CELF2: variants seen among roughly 807,000 people sequenced by gnomAD.
CELF2 encodes the protein CUG triplet repeat RNA-binding protein 2.
CELF2 carries 8 observed loss-of-function variants against 62.6 expected under a neutral mutation model. The ratio of observed to expected loss-of-function variants is 0.13; its 90% CI spans 0.07 to 0.23. The LOEUF is 0.23. Among genes scored for constraint, CELF2 ranks in the 10% least tolerant of loss-of-function variants. The pLI is 1.00. For synonymous variants in CELF2, 258 were observed against 250.0 expected (o/e 1.03, Z -0.30); for missense variants, 333 against 671.0 (o/e 0.50, Z 5.56).
chr10:10,719,553 A>T, the CELF2 span, among the ~76,000 whole-genome samples: 1 of 152,070 alleles, frequency 6.6e-6, no homozygotes, highest in Non-Finnish European at 1.5e-5. Flanking sequence ...AGAGTCAGCC[A>T]CTGTGTACCC....
chr10:11,205,293 C>G (rs1449388028), intron 2 of CELF2, among the ~76,000 whole-genome samples: 1 of 152,176 alleles, frequency 6.6e-6, no homozygotes, highest in East Asian at 1.9e-4. Flanking sequence ...CCTGTCGCGG[C>G]TGCATTTCCG....
chr10:10,958,463 T>C (rs1237402297), intron 2 of CELF2, among the ~76,000 whole-genome samples: 1 of 152,160 alleles, frequency 6.6e-6, no homozygotes, highest in East Asian at 1.9e-4. Context: ...TGTGGAGCAT[T>C]ATGGAGAAAC....
chr10:10,926,306 T>C (rs2065451323), intron 2 of CELF2, among the ~76,000 whole-genome samples: 2 of 152,108 alleles, frequency 1.3e-5, no homozygotes, highest in African/African-American at 4.8e-5. Context: ...AAAGGGCTTG[T>C]GGGGGCAGAT....
the CELF2 span, among the ~76,000 whole-genome samples, chr10:10,715,947 T>C: frequency 6.6e-6 from 1 of 152,234 alleles, no homozygotes; most frequent in Non-Finnish European, 1.5e-5. Context: ...GACTTGTTCT[T>C]TTGACATCAC....
rs1023780275 is a variant in CELF2 at position 11,300,435 on chromosome 10, C to T, written c.976+11883C>T. On this transcript the variant is annotated intron_variant, in intron 9 of 12. Coordinates refer to ENST00000633077, the MANE Select transcript of CELF2 (RefSeq NM_001326342.2). The surrounding 1 kb of genome is among the most constrained non-coding windows in gnomAD (Gnocchi z 5.5). The stretch of plus-strand genomic sequence containing the variant: ...GAACTGGCAGCAGAAGAGAGGGGCA[C>T]CAATGTCTCTGGGGAAGGTACCCTC... Among the ~76,000 whole-genome samples, 4 of 152,174 alleles carry T rather than the reference C, an allele frequency of 2.6e-5. No individual in the cohort carries two copies. Among genetic ancestry groups the T allele is most frequent in the Non-Finnish European group, 5.9e-5 (4 of 68,032 alleles).
intron 2 of CELF2, among the ~76,000 whole-genome samples, chr10:11,200,926 A>G (rs2059084736): frequency 6.6e-6 from 1 of 152,234 alleles, no homozygotes; most frequent in Non-Finnish European, 1.5e-5. Context: ...AATGTCAGAT[A>G]TTCTTGTCGG....
intron 1 of CELF2, among the ~76,000 whole-genome samples, chr10:11,007,355 A>T (rs989607075): frequency 6.6e-6 from 1 of 152,208 alleles, no homozygotes; most frequent in South Asian, 2.1e-4. Context: ...TTGGACGTGA[A>T]TTTCAGTTTT....
intron 1 of CELF2, among the ~76,000 whole-genome samples, chr10:11,160,566 C>CATAT (rs1421366188): frequency 6.7e-6 from 1 of 149,174 alleles, no homozygotes; most frequent in Non-Finnish European, 1.5e-5. Context: ...TAGTGGCCAC[C>CATAT]ATATTGGACT....
At chr10:10,813,506 C>T (rs906412305) in intron 1 of CELF2, among the ~76,000 whole-genome samples, 5 of 152,242 alleles carry the variant, frequency 3.3e-5, no homozygotes, top group Admixed American at 6.5e-5. Flanking sequence ...ATGTGGCCCT[C>T]ACTGAAGTTG....
chr10:10,743,586 A>G, the CELF2 span, among the ~76,000 whole-genome samples: 11 of 152,188 alleles, frequency 7.2e-5, no homozygotes, highest in Non-Finnish European at 1.5e-4. Context: ...GGAAAATACA[A>G]TGTTCCATTT....
intron 1 of CELF2, among the ~76,000 whole-genome samples, chr10:10,856,681 C>T (rs752528532): frequency 2.0e-5 from 3 of 152,196 alleles, no homozygotes; most frequent in East Asian, 3.8e-4. Flanking sequence ...GCCTTCTACT[C>T]GTGCACTCAT....
the CELF2 span, among the ~76,000 whole-genome samples, chr10:10,479,963 G>A: frequency 0.23 from 35,322 of 152,036 alleles, 4,774 homozygotes; most frequent in African/African-American, 0.38. Context: ...TGGCGATTTA[G>A]CCTGATCATT....
intron 2 of CELF2, among the ~76,000 whole-genome samples, chr10:11,203,729 G>A (rs1257032477): frequency 1.3e-5 from 2 of 152,204 alleles, no homozygotes; most frequent in Non-Finnish European, 2.9e-5. Context: ...GAATTACAAT[G>A]TGACTGAAGT....
the CELF2 span, among the ~76,000 whole-genome samples, chr10:10,778,055 G>C: frequency 6.6e-6 from 1 of 152,178 alleles, no homozygotes; most frequent in Non-Finnish European, 1.5e-5. Flanking sequence ...GGTGCAATCA[G>C]GTTCGGGAGA....
intron 5 of CELF2, among the ~76,000 whole-genome samples, chr10:11,265,164 C>T (rs2081854964): frequency 6.6e-6 from 1 of 152,190 alleles, no homozygotes; most frequent in Non-Finnish European, 1.5e-5. Flanking sequence ...TTTTATGGCT[C>T]ACAAATTGAT....
chr10:10,908,460 T>A (rs1241082448), intron 1 of CELF2, among the ~76,000 whole-genome samples: 1 of 151,878 alleles, frequency 6.6e-6, no homozygotes, highest in African/African-American at 2.4e-5. Flanking sequence ...GAACTCGTGA[T>A]CTGCCCGCCT....
chr10:10,529,769 C>A, the CELF2 span, among the ~76,000 whole-genome samples: 2 of 151,396 alleles, frequency 1.3e-5, no homozygotes, highest in African/African-American at 4.9e-5. Context: ...GAAAATGAAG[C>A]CTAACCCTGC....
chr10:11,138,128 A>T (rs1414986285), intron 1 of CELF2, among the ~76,000 whole-genome samples: 1 of 151,458 alleles, frequency 6.6e-6, no homozygotes, highest in Non-Finnish European at 1.5e-5. Context: ...AAAATAAACA[A>T]AATTAGCACA....
At position 11,329,975 on chromosome 10, in the gene CELF2, T is replaced by A. The variant is rs1385240808; in HGVS notation, c.*922T>A. ...AAGTTATTTATTGCCTATTGTTAACTTATTGGGTACCTAAAGAGCAGTTCT... is the reference window on the plus strand; with the variant it reads ...AAGTTATTTATTGCCTATTGTTAACATATTGGGTACCTAAAGAGCAGTTCT... On this transcript the variant is annotated 3_prime_UTR_variant, in exon 13 of 13. Transcript: ENST00000633077. The surrounding 1 kb of genome is among the most constrained non-coding windows in gnomAD (Gnocchi z 5.5). 1 of 152,650 alleles carries A rather than the reference T, an allele frequency of 6.6e-6. No individual in the cohort carries two copies. The highest frequency in any genetic ancestry group is 2.4e-5 in the African/African-American group (1 of 41,436). 9.5% of individuals were successfully genotyped at this position (152,650 alleles called of 1,614,324 possible).
Sources: allele counts gnomAD v4.1 joint callset (sites outside exome capture counted in the v4.1 genomes callset), GRCh38; gene constraint gnomAD v4.1.1; non-coding constraint Gnocchi (gnomAD v3.1); transcripts MANE v1.5; gene names NCBI Gene and HGNC (gene_info 2026-07-23, HGNC 2026-07-21).